PTPN12: variants seen among roughly 807,000 people sequenced by gnomAD.
PTPN12 encodes tyrosine-protein phosphatase non-receptor type 12.
PTPN12 carries 29 observed loss-of-function variants against 97.6 expected under a neutral mutation model. The ratio of observed to expected loss-of-function variants is 0.30; its 90% CI spans 0.22 to 0.41. The LOEUF (loss-of-function observed/expected upper bound fraction) is 0.41, where lower values mean the gene tolerates loss of function less well. Among genes scored for constraint, PTPN12 ranks in the 10% least tolerant of loss-of-function variants. The pLI, the probability that PTPN12 is intolerant of heterozygous loss-of-function variation, is 1.00. For synonymous variants in PTPN12, 327 were observed against 300.4 expected (o/e 1.09, Z -0.91); for missense variants, 819 against 926.0 (o/e 0.88, Z 1.50).
chr7:77,631,692 T>G (rs1157355322), intron 13 of PTPN12, among the ~76,000 whole-genome samples: 2 of 152,208 alleles, frequency 1.3e-5, no homozygotes, highest in Non-Finnish European at 2.9e-5. Flanking sequence ...GTATATAGCT[T>G]CAGTCAGCAT....
intron 2 of PTPN12, among the ~76,000 whole-genome samples, chr7:77,577,326 C>G (rs2151326239): frequency 6.6e-6 from 1 of 152,346 alleles, no homozygotes; most frequent in East Asian, 1.9e-4. Flanking sequence ...ATATTAACTT[C>G]TATCTCCATG....
chr7:77,602,357 T>C (rs1788218846), intron 8 of PTPN12, among the ~76,000 whole-genome samples: 1 of 152,200 alleles, frequency 6.6e-6, no homozygotes, highest in South Asian at 2.1e-4. Context: ...GTATACATTA[T>C]ATGTAATACA....
chr7:77,550,147 G>T (rs551759617), intron 1 of PTPN12, among the ~76,000 whole-genome samples: 1 of 152,152 alleles, frequency 6.6e-6, no homozygotes, highest in Admixed American at 6.5e-5. Flanking sequence ...AATTCTATTT[G>T]CCTACTCACC....
chr7:77,555,092 A>G lies in PTPN12; in HGVS notation c.100-15986A>G, dbSNP rs753997048. On this transcript the variant is annotated intron_variant, in intron 1 of 17. Coordinates refer to ENST00000248594, the MANE Select transcript of PTPN12 (RefSeq NM_002835.4). ...TGGTGGGTTTTTTCTTCTCAATATG[A>G]TATTTTGTCACTCTCTTCTTGCTTG... Among the ~76,000 whole-genome samples, 23 of 152,084 alleles carry G rather than the reference A, an allele frequency of 1.5e-4. No individual in the cohort carries two copies. The South Asian group carries it at 2.7e-3, about 18-fold the overall frequency.
At chr7:77,638,982 T>TG in intron 17 of PTPN12, 2 of 736,242 alleles carry the variant, frequency 2.7e-6, no homozygotes, top group East Asian at 6.0e-5. Context: ...TTTTCTTACA[T>TG]TGTGATAAAA....
At chr7:77,612,912 C>T (rs1340070200) in intron 11 of PTPN12, among the ~76,000 whole-genome samples, 1 of 151,246 alleles carries the variant, frequency 6.6e-6, no homozygotes, top group East Asian at 1.9e-4. Flanking sequence ...GCTGGGATTA[C>T]AGGCATGTAT....
At chr7:77,573,919 TC>T (rs1787247939) in intron 2 of PTPN12, among the ~76,000 whole-genome samples, 1 of 152,124 alleles carries the variant, frequency 6.6e-6, no homozygotes, top group South Asian at 2.1e-4. Flanking sequence ...CGCTGCCACA[TC>T]CGGCTAATTT....
chr7:77,541,014 C>T (rs1220663996), intron 1 of PTPN12, among the ~76,000 whole-genome samples: 3 of 152,188 alleles, frequency 2.0e-5, no homozygotes, highest in Admixed American at 6.5e-5. Context: ...ATGCTCTTTT[C>T]GCTCTATCCA....
rs1808316486 is a variant in PTPN12, at chr7:77,567,623, G to A, written c.100-3455G>A. On this transcript the variant is annotated intron_variant, in intron 1 of 17. Coordinates refer to ENST00000248594, the MANE Select transcript of PTPN12 (RefSeq NM_002835.4). The stretch of plus-strand genomic sequence containing the variant: ...ACTGAATCAGAAACTACTGGGATGA[G>A]GCCCAGCAATGTGGCCCTCCAGGTG... Among the ~76,000 whole-genome samples, 2 of 151,884 alleles carry A rather than the reference G, an allele frequency of 1.3e-5. 1 individual carries two copies. Among genetic ancestry groups the A allele is most frequent in the South Asian group, 4.1e-4 (2 of 4,822 alleles).
rs113284536 is a variant in PTPN12 at position 77,598,514 on chromosome 7, T to A, written c.552+613T>A. ...CTGGCCAACACGGCGAAGCCCCATC[T>A]CTACTAAAAAATACTAAAATTAGCT... On this transcript the variant is annotated intron_variant, in intron 7 of 17. Coordinates refer to ENST00000248594, the MANE Select transcript of PTPN12 (RefSeq NM_002835.4). Among the ~76,000 whole-genome samples, 3 of 151,976 alleles carry A rather than the reference T, an allele frequency of 2.0e-5. No individual in the cohort carries two copies. The East Asian group carries it at 5.8e-4, about 29-fold the overall frequency.
At position 77,637,944 on chromosome 7, in the gene PTPN12, A is replaced by ATTTTTTTT. The variant is rs1421411134; in HGVS notation, c.2174-680_2174-679insTTTTTTTT. Among the ~76,000 whole-genome samples, 9 of 89,500 alleles carry ATTTTTTTT rather than the reference A, an allele frequency of 1.0e-4. 1 individual carries two copies. Among genetic ancestry groups the ATTTTTTTT allele is most frequent in the South Asian group, 8.5e-4 (2 of 2,362 alleles). The allele number at this position is 89,500 out of a possible 152,430, so 58.7% of individuals were successfully genotyped here. On this transcript the variant is annotated intron_variant, in intron 16 of 17. Coordinates refer to ENST00000248594, the MANE Select transcript of PTPN12 (RefSeq NM_002835.4). ...AACCCTGACCTTGTTGATTTCTTAA[A>ATTTTTTTT]ATTTTTTTTTTTTTTTTTTTTTTTT...
Position 77,625,472 on chromosome 7 carries a change from G to GCTCGCGCGCGCTCTCTCTCTCTCTCTCT in PTPN12, c.1026-1230_1026-1229insGCGCGCGCTCTCTCTCTCTCTCTCTCTC. On this transcript the variant is annotated intron_variant, in intron 12 of 17. Transcript: ENST00000248594. ...TTTTGCCATATTGCCCAGGCTGCTC[G>GCTCGCGCGCGCTCTCTCTCTCTCTCTCT]CTCTCTCTCTCTCTCTCTCTCTCTC... Among the ~76,000 whole-genome samples, 150 of 33,518 alleles carry GCTCGCGCGCGCTCTCTCTCTCTCTCTCT rather than the reference G, an allele frequency of 4.5e-3. 32 individuals carry two copies. Among genetic ancestry groups the GCTCGCGCGCGCTCTCTCTCTCTCTCTCT allele is most frequent in the African/African-American group, 5.8e-3 (44 of 7,530 alleles). 22.0% of individuals were successfully genotyped at this position (33,518 alleles called of 152,430 possible).
intron 14 of PTPN12, 102 bp from the exon 15 acceptor site, chr7:77,635,680 A>T: frequency 1.6e-6 from 1 of 633,440 alleles, no homozygotes; most frequent in Non-Finnish European, 2.4e-6. Flanking sequence ...TGTGGAAGCG[A>T]TAGTTTCTAA....
intron 8 of PTPN12, among the ~76,000 whole-genome samples, chr7:77,604,222 T>TTA (rs1228290304): frequency 8.1e-6 from 1 of 123,034 alleles, no homozygotes; most frequent in Non-Finnish European, 1.7e-5. Context: ...TTTTTTTTTT[T>TTA]TTTTTTTTTT....
intron 5 of PTPN12, among the ~76,000 whole-genome samples, chr7:77,589,770 TAATC>T (rs1456623025): frequency 6.6e-6 from 1 of 152,162 alleles, no homozygotes; most frequent in Non-Finnish European, 1.5e-5. Flanking sequence ...TTAATATTAT[TAATC>T]AATTGTCTAA....
At chr7:77,593,691 G>C (rs1449166941) in intron 6 of PTPN12, among the ~76,000 whole-genome samples, 1 of 152,228 alleles carries the variant, frequency 6.6e-6, no homozygotes, top group African/African-American at 2.4e-5. Context: ...AGGACAGTTT[G>C]CTTTACTCAG....
chr7:77,558,086 G>A (rs1047318084), intron 1 of PTPN12, among the ~76,000 whole-genome samples: 3 of 150,984 alleles, frequency 2.0e-5, no homozygotes, highest in African/African-American at 4.9e-5. Context: ...TGGTGGGCGC[G>A]TGTAATCCCA....
chr7:77,544,785 G>T (rs1016579665), intron 1 of PTPN12, among the ~76,000 whole-genome samples: 5 of 152,186 alleles, frequency 3.3e-5, no homozygotes, highest in African/African-American at 1.2e-4. Context: ...ATAGTGCTTG[G>T]CATTTAATAG....
In PTPN12 at chr7:77,627,413, A is replaced by G; in HGVS notation, c.1734A>G (p.Thr578=). 2 of 1,614,110 alleles carry G rather than the reference A, an allele frequency of 1.2e-6. No homozygotes were observed. Among genetic ancestry groups the G allele is most frequent in the Non-Finnish European group, 1.7e-6 (2 of 1,179,970 alleles). Residue 578 remains threonine (T), a synonymous_variant, in exon 13 of 18, where the codon ACA becomes ACG. Transcript: ENST00000248594. The stretch of plus-strand genomic sequence containing the variant: ...CAAGTCCTACAACACAAGTTGAAAC[A>G]CCTGATCTTGTGGATCATGATAACA... ...LTPSPTTQVE[T]PDLVDHDNTS...
Sources: allele counts gnomAD v4.1 joint callset (sites outside exome capture counted in the v4.1 genomes callset), GRCh38; gene constraint gnomAD v4.1.1; transcripts MANE v1.5; gene names NCBI Gene and HGNC (gene_info 2026-07-23, HGNC 2026-07-21).